Variants in HEATR1 observed in about 807,000 individuals in gnomAD.
The protein encoded by HEATR1 is HEAT repeat containing 1, also known as HEAT repeat-containing protein 1.
HEATR1 carries 77 observed loss-of-function variants against 248.2 expected under a neutral mutation model. The ratio of observed to expected loss-of-function variants is 0.31; its 90% CI spans 0.26 to 0.37. HEATR1 has a LOEUF of 0.37. Ranked by LOEUF, HEATR1 falls within the 10% of genes least tolerant of loss-of-function variation. HEATR1 has a pLI of 1.00. For missense variants in HEATR1, 2,420 were observed against 2,504.9 expected, an observed-to-expected ratio of 0.97 and a Z score of 0.72; for synonymous variants, 897 against 923.1, an observed-to-expected ratio of 0.97 and a Z score of 0.51.
chr1:236,602,625 T>C (rs1664356902), intron 3 of HEATR1, among the ~76,000 whole-genome samples: 1 of 152,196 alleles, frequency 6.6e-6, no homozygotes, highest in Non-Finnish European at 1.5e-5. Context: ...CATGGGCTCT[T>C]CAGAACTAAC....
chr1:236,594,034 T>C lies in HEATR1; in HGVS notation c.1171A>G (p.Asn391Asp). The C allele has an allele frequency of 6.3e-7, 1 of 1,596,106 alleles. No individual in the cohort carries two copies. The highest frequency in any genetic ancestry group is 8.5e-7 in the Non-Finnish European group (1 of 1,173,304). ...AILTKISLKN[N>D]LDHLLASLLF... ...TACCTAGCCAACAAATGGTCTAAGT[T>C]GTTCTTCAGTGATATTTTTGTAAGT... The change falls in exon 9 of 45, where the codon AAC (asparagine) becomes GAC (aspartate). Residue 391 changes from asparagine to aspartate, a missense_variant. Physicochemically the swap from Asn to Asp is conservative, Grantham distance 23. Coordinates refer to ENST00000366582, the MANE Select transcript of HEATR1 (RefSeq NM_018072.6).
intron 3 of HEATR1, among the ~76,000 whole-genome samples, chr1:236,601,481 A>G (rs1287453335): frequency 6.6e-6 from 1 of 152,134 alleles, no homozygotes; most frequent in Non-Finnish European, 1.5e-5. Context: ...CATGTCTCCA[A>G]TTAATGGAAT....
chr1:236,571,628 GAATT>G lies in HEATR1; in HGVS notation c.3762_3765del (p.Leu1254PhefsTer24). ...TGGCAGATGTTGAGCAGACAACTAA[GAATT>G]AATTGTTTGGTGTATTCCATATTTC... On this transcript the variant is annotated frameshift_variant, in exon 27 of 45. Coordinates refer to ENST00000366582, the MANE Select transcript of HEATR1 (RefSeq NM_018072.6). LOFTEE classifies it high-confidence loss of function. The G allele has an allele frequency of 6.2e-7, 1 of 1,614,048 alleles. No individual in the cohort carries two copies.
chr1:236,563,951 T>C (rs1558180253), intron 32 of HEATR1, among the ~76,000 whole-genome samples: 2 of 152,164 alleles, frequency 1.3e-5, no homozygotes, highest in East Asian at 1.9e-4. Flanking sequence ...CCTGTCTCTA[T>C]AAAAAAAGTT....
rs1296015290 is a variant in HEATR1, at chr1:236,571,371, T to G, written c.3928A>C (p.Thr1310Pro). ...THHHALLLLG[T>P]VAGIFPDKVL... ...CTTACCGGAAATATTCCAGCAACAG[T>G]GCCCAAAAGTAAAAGGGCATGGTGA... The change falls in exon 28 of 45, where the codon ACT becomes CCT. Residue 1310 changes from threonine to proline, a missense_variant. Physicochemically the swap from Thr to Pro is conservative, Grantham distance 38. Transcript: ENST00000366582. 1 of 1,598,786 alleles carries G rather than the reference T, an allele frequency of 6.3e-7. No homozygotes were observed. Among genetic ancestry groups the G allele is most frequent in the Non-Finnish European group, 8.5e-7 (1 of 1,176,456 alleles).
chr1:236,560,992 T>C (rs186367297), intron 33 of HEATR1, among the ~76,000 whole-genome samples: 1 of 152,322 alleles, frequency 6.6e-6, no homozygotes, highest in East Asian at 1.9e-4. Context: ...TGTACTGTGG[T>C]TTTATAAGAA....
Position 236,554,665 on chromosome 1 carries a change from A to C in HEATR1, c.6011T>G (p.Leu2004Arg). ...ACTTATAAAATGCTGGGTATCAAAA[A>C]GGAAGATTTTGTATAAACAGTTCAA... ...FILNCLYKIF[L>R]FDTQHFISKE... Residue 2004 changes from leucine to arginine, a missense_variant, in exon 42 of 45, where the codon CTT (leucine) becomes CGT (arginine). Coordinates refer to ENST00000366582, the MANE Select transcript of HEATR1 (RefSeq NM_018072.6). 1 of 1,613,652 alleles carries C rather than the reference A, an allele frequency of 6.2e-7. No individual in the cohort carries two copies. Among genetic ancestry groups the C allele is most frequent in the Non-Finnish European group, 8.5e-7 (1 of 1,179,798 alleles).
At position 236,549,769 on chromosome 1, in the gene HEATR1, C is replaced by T. The variant is rs933284003; in HGVS notation, c.*1133G>A. On this transcript the variant is annotated 3_prime_UTR_variant, in exon 45 of 45. Transcript: ENST00000366582. ...TGTGAGGCATTTAGGAAAAAAATAGCCCACTCACATCATTCCTTGTAAGTC... is the reference window on the plus strand; with the variant it reads ...TGTGAGGCATTTAGGAAAAAAATAGTCCACTCACATCATTCCTTGTAAGTC... 1.3e-5 allele frequency: 2 copies of T among 152,140 alleles called. No individual in the cohort carries two copies. Among genetic ancestry groups the T allele is most frequent in the African/African-American group, 2.4e-5 (1 of 41,424 alleles). The allele number at this position is 152,140 out of a possible 1,614,324, so 9.4% of individuals were successfully genotyped here.
chr1:236,585,456 T>C (rs1384040770), intron 16 of HEATR1, among the ~76,000 whole-genome samples: 1 of 152,196 alleles, frequency 6.6e-6, no homozygotes, highest in East Asian at 1.9e-4. Flanking sequence ...TCTAATCCTT[T>C]ACAAAGGTTT....
intron 32 of HEATR1, 139 bp downstream of exon 32, chr1:236,564,359 G>A (rs1663214114): frequency 3.0e-6 from 2 of 669,846 alleles, no homozygotes; most frequent in East Asian, 2.8e-5. Flanking sequence ...ATGGTGAAAC[G>A]TACTTTCTTG....
At chr1:236,595,359 TC>T (rs1664149955) in intron 8 of HEATR1, among the ~76,000 whole-genome samples, 180 bp downstream of exon 8, 1 of 152,204 alleles carries the variant, frequency 6.6e-6, no homozygotes, top group Non-Finnish European at 1.5e-5. Flanking sequence ...TTAACAATGA[TC>T]TTTCTTCAAC....
chr1:236,579,412 C>A (rs534508334), intron 20 of HEATR1, among the ~76,000 whole-genome samples: 1 of 152,296 alleles, frequency 6.6e-6, no homozygotes, highest in East Asian at 1.9e-4. Flanking sequence ...TGTCAAAGGA[C>A]AGTAAACATT....
At chr1:236,600,099 C>G (rs1020191190) in intron 3 of HEATR1, among the ~76,000 whole-genome samples, 45 of 143,952 alleles carry the variant, frequency 3.1e-4, no homozygotes, top group Admixed American at 9.4e-4. Context: ...CCCTGTGTTG[C>G]CCAGGCTGGT....
Position 236,556,193 on chromosome 1 carries a change from T to C in HEATR1, c.5421A>G (p.Thr1807=). Residue 1807 remains threonine (T), a synonymous_variant, in exon 38 of 45, where the codon ACA becomes ACG. Transcript: ENST00000366582. ...GSASQANIRL[T]SLKKTLATTL... is the part of the protein sequence containing the mutation. The stretch of plus-strand genomic sequence containing the variant: ...TGGTAGCCAGTGTCTTTTTAAGAGA[T>C]GTGAGACGGATATTAGCCTGTGACG... 4 of 1,614,066 alleles carry C rather than the reference T, an allele frequency of 2.5e-6. No individual in the cohort carries two copies. The highest frequency in any genetic ancestry group is 3.4e-6 in the Non-Finnish European group (4 of 1,180,014).
At chr1:236,599,700 T>C (rs1664266780) in intron 3 of HEATR1, 76 bp from the exon 4 acceptor site, 1 of 1,318,984 alleles carries the variant, frequency 7.6e-7, no homozygotes. Context: ...ATGCCCAAAC[T>C]GTATTATTAA....
At chr1:236,600,588 T>C (rs1348892391) in intron 3 of HEATR1, among the ~76,000 whole-genome samples, 1 of 151,950 alleles carries the variant, frequency 6.6e-6, no homozygotes, top group Non-Finnish European at 1.5e-5. Flanking sequence ...TGGAGTGCAG[T>C]GGTGTGATCT....
intron 23 of HEATR1, 24 bp from the exon 24 acceptor site, chr1:236,574,357 A>G (rs74145926): frequency 0.043 from 68,151 of 1,593,726 alleles, 2,408 homozygotes; most frequent in East Asian, 0.13. Context: ...AAAAAAGGCA[A>G]CTGAGTTCAG....
Position 236,600,118 on chromosome 1 carries a change from ATTTTTTTTTTT to A in HEATR1, c.360-505_360-495del, listed in dbSNP as rs67344658. ...GTGTTGCCCAGGCTGGTCTGTCAAC[ATTTTTTTTTTT>A]TTTTTTTTTTTTTTTTTTGAGAGGG... is the stretch of plus-strand genomic sequence containing the variant. On this transcript the variant is annotated intron_variant, in intron 3 of 44. Transcript: ENST00000366582. Among the ~76,000 whole-genome samples the A allele has an allele frequency of 2.0e-4, 10 of 50,284 alleles. No homozygotes were observed. In the South Asian group the frequency reaches 3.3e-3, roughly 17 times the overall value. The allele number at this position is 50,284 out of a possible 152,430, so 33.0% of individuals were successfully genotyped here.
At chr1:236,598,798 C>T (rs912555058) in intron 4 of HEATR1, among the ~76,000 whole-genome samples, 1 of 152,186 alleles carries the variant, frequency 6.6e-6, no homozygotes, top group African/African-American at 2.4e-5. Context: ...GCCTCCCCCC[C>T]TACCCTGGAT....
Sources: allele counts gnomAD v4.1 joint callset (sites outside exome capture counted in the v4.1 genomes callset), GRCh38; gene constraint gnomAD v4.1.1; transcripts MANE v1.5; gene names NCBI Gene and HGNC (gene_info 2026-07-23, HGNC 2026-07-21).